Variants in TEX10 observed in about 807,000 individuals in gnomAD.
The protein encoded by TEX10 is testis-expressed protein 10.
Under a neutral mutation model 104.4 loss-of-function variants are expected in TEX10, and 24 were observed. The observed-to-expected ratio is 0.23, with a 90% CI of 0.17 to 0.32. The LOEUF (loss-of-function observed/expected upper bound fraction) is 0.32, where lower values mean the gene tolerates loss of function less well. Ranked by LOEUF, TEX10 falls within the 10% of genes least tolerant of loss-of-function variation. TEX10 has a pLI of 1.00. For synonymous variants in TEX10, 396 were observed against 393.4 expected (o/e 1.01, Z -0.08); for missense variants, 921 against 1,083.9 (o/e 0.85, Z 2.11).
chr9:100,310,580 G>T (rs771472909), intron 11 of TEX10, among the ~76,000 whole-genome samples: 2 of 151,952 alleles, frequency 1.3e-5, no homozygotes, highest in South Asian at 4.2e-4. Flanking sequence ...TGGGACTACA[G>T]GTGCACACCA....
At chr9:100,335,508 A>G (rs529395903) in intron 5 of TEX10, among the ~76,000 whole-genome samples, 2 of 152,246 alleles carry the variant, frequency 1.3e-5, no homozygotes, top group East Asian at 3.9e-4. Context: ...GACAAGGGTC[A>G]TGACTTAATA....
At chr9:100,329,816 A>T in intron 6 of TEX10, 115 bp downstream of exon 6, 50 of 900,772 alleles carry the variant, frequency 5.6e-5, no homozygotes, top group East Asian at 4.6e-4. Flanking sequence ...TTATGGCTTG[A>T]ATACAATTAG....
Position 100,312,476 on chromosome 9 carries a change from A to G in TEX10, c.2203-2097T>C, listed in dbSNP as rs142169116. Reference sequence around the variant, plus strand: ...AGCAGGTACAAAAAAGAAACAGGATATAACTAGAATAAACTCTGTGGTGTT... The same window carrying G: ...AGCAGGTACAAAAAAGAAACAGGATGTAACTAGAATAAACTCTGTGGTGTT... On this transcript the variant is annotated intron_variant, in intron 11 of 14. Transcript: ENST00000374902. 9.8e-5 allele frequency among the ~76,000 whole-genome samples: 15 copies of G among 152,376 alleles called. No homozygotes were observed. In the East Asian group the frequency reaches 2.5e-3, roughly 25 times the overall value.
chr9:100,309,918 C>T (rs1438795643), intron 12 of TEX10, among the ~76,000 whole-genome samples: 1 of 152,110 alleles, frequency 6.6e-6, no homozygotes, highest in Non-Finnish European at 1.5e-5. Flanking sequence ...AGATGATGTG[C>T]CTACTTTGGA....
intron 12 of TEX10, among the ~76,000 whole-genome samples, chr9:100,309,007 C>T (rs1192232630): frequency 6.6e-6 from 1 of 152,176 alleles, no homozygotes; most frequent in Non-Finnish European, 1.5e-5. Flanking sequence ...ATTTCATGCA[C>T]TCAAAGAAAA....
At chr9:100,348,249 G>A (rs1481951442) in intron 2 of TEX10, among the ~76,000 whole-genome samples, 1 of 152,208 alleles carries the variant, frequency 6.6e-6, no homozygotes, top group African/African-American at 2.4e-5. Context: ...GTAGATTAGT[G>A]ATTGCCTAGG....
At chr9:100,326,977 A>G (rs1415508301) in intron 8 of TEX10, among the ~76,000 whole-genome samples, 1 of 152,258 alleles carries the variant, frequency 6.6e-6, no homozygotes, top group Non-Finnish European at 1.5e-5. Flanking sequence ...TGACATATCC[A>G]TACAACAAAA....
intron 5 of TEX10, among the ~76,000 whole-genome samples, chr9:100,337,250 T>C (rs957204106): frequency 6.6e-6 from 1 of 152,220 alleles, no homozygotes; most frequent in Non-Finnish European, 1.5e-5. Context: ...GCTCAGCAAC[T>C]AGTACAATAA....
chr9:100,308,889 C>T (rs556028254), intron 12 of TEX10, among the ~76,000 whole-genome samples: 41 of 152,242 alleles, frequency 2.7e-4, no homozygotes, highest in Non-Finnish European at 5.1e-4. Flanking sequence ...AACATGCAAA[C>T]ACAAGAAGTG....
intron 5 of TEX10, among the ~76,000 whole-genome samples, chr9:100,335,837 A>T (rs2118904726): frequency 6.6e-6 from 1 of 152,158 alleles, no homozygotes; most frequent in African/African-American, 2.4e-5. Context: ...TTAATGTTAT[A>T]TATATTTTAC....
At chr9:100,335,729 ATGTCC>A (rs1458735282) in intron 5 of TEX10, among the ~76,000 whole-genome samples, 1 of 151,670 alleles carries the variant, frequency 6.6e-6, no homozygotes, top group African/African-American at 2.4e-5. Context: ...AATGCAAAGC[ATGTCC>A]TTTTTTTTTT....
At chr9:100,326,172 T>G (rs1275341043) in intron 9 of TEX10, 130 bp downstream of exon 9, 2 of 929,808 alleles carry the variant, frequency 2.2e-6, no homozygotes, top group East Asian at 5.4e-5. Flanking sequence ...AGTGATATAG[T>G]TTTAATTGTT....
intron 11 of TEX10, among the ~76,000 whole-genome samples, chr9:100,310,939 CCTTCT>C (rs1424934078): frequency 6.6e-6 from 1 of 151,920 alleles, no homozygotes; most frequent in Non-Finnish European, 1.5e-5. Context: ...GAATGAGAAA[CCTTCT>C]CTTCTTTCTC....
At chr9:100,341,355 C>A (rs903780866) in intron 4 of TEX10, among the ~76,000 whole-genome samples, 3 of 152,198 alleles carry the variant, frequency 2.0e-5, no homozygotes, top group Non-Finnish European at 4.4e-5. Flanking sequence ...AGTAATAATA[C>A]TTGAATCATT....
intron 1 of TEX10, chr9:100,352,376 C>T: frequency 1.3e-6 from 2 of 1,551,730 alleles, no homozygotes; most frequent in East Asian, 2.4e-5. Context: ...AGCTCATCCC[C>T]ACTCCGTATT....
Position 100,302,127 on chromosome 9 carries a change from G to GTCTT in TEX10, c.*60_*63dup, listed in dbSNP as rs1349899143. ...TTAATGACAAAGATCTATTACATCA[G>GTCTT]TCTTTTTCTTCAAATAAGATAGATG... On this transcript the variant is annotated 3_prime_UTR_variant, in exon 15 of 15. Coordinates refer to ENST00000374902, the MANE Select transcript of TEX10 (RefSeq NM_017746.4). The GTCTT allele has an allele frequency of 1.0e-5, 10 of 965,758 alleles. No individual in the cohort carries two copies. Among genetic ancestry groups the GTCTT allele is most frequent in the Non-Finnish European group, 1.5e-5 (10 of 662,666 alleles). 59.8% of individuals were successfully genotyped at this position (965,758 alleles called of 1,614,324 possible).
At chr9:100,337,265 CT>C in intron 5 of TEX10, among the ~76,000 whole-genome samples, 1 of 152,256 alleles carries the variant, frequency 6.6e-6, no homozygotes, top group East Asian at 1.9e-4. Flanking sequence ...CAATAAGTGC[CT>C]TGCACATAAG....
At chr9:100,333,636 T>TAAAAAAAAAAAAAAAAAAACCAAAAAA in intron 5 of TEX10, among the ~76,000 whole-genome samples, 1 of 109,762 alleles carries the variant, frequency 9.1e-6, no homozygotes, top group Non-Finnish European at 2.0e-5. Flanking sequence ...GACCCCATCA[T>TAAAAAAAAAAAAAAAAAAACCAAAAAA]AAAAAAAAAA....
intron 11 of TEX10, among the ~76,000 whole-genome samples, chr9:100,315,404 G>T (rs541792901): frequency 6.6e-6 from 1 of 152,224 alleles, no homozygotes; most frequent in Admixed American, 6.5e-5. Context: ...TTTAGGTCTA[G>T]TAATACTTTG....
Sources: gnomAD v4.1 joint callset for allele counts (sites outside exome capture counted in the v4.1 genomes callset) on GRCh38, gnomAD v4.1.1 for gene constraint, MANE v1.5 for transcripts, NCBI Gene and HGNC (gene_info 2026-07-23, HGNC 2026-07-21) for gene names.